AKAP19: variants seen among roughly 807,000 people sequenced by gnomAD.
AKAP19 encodes small A-kinase anchoring protein.
chr2:189,956,177 C>T, the AKAP19 span, among the ~76,000 whole-genome samples: 1,670 of 122,910 alleles, frequency 0.014, 47 homozygotes, highest in African/African-American at 0.048. Context: ...TCTTTTTTTT[C>T]TTTTTTTTTT....
At chr2:190,199,497 A>G in the AKAP19 span, among the ~76,000 whole-genome samples, 1 of 152,316 alleles carries the variant, frequency 6.6e-6, no homozygotes, top group South Asian at 2.1e-4. Context: ...CAAGATCTTG[A>G]AAAAAAGTTT....
the AKAP19 span, among the ~76,000 whole-genome samples, chr2:190,050,903 C>T: frequency 3.9e-5 from 6 of 152,124 alleles, no homozygotes; most frequent in East Asian, 3.9e-4. Flanking sequence ...CATTTGAGAA[C>T]GGGGGGATAT....
the AKAP19 span, among the ~76,000 whole-genome samples, chr2:189,940,048 G>A: frequency 2.0e-5 from 3 of 152,154 alleles, no homozygotes; most frequent in South Asian, 2.1e-4. Flanking sequence ...GGGAGGCCGA[G>A]GTGGGTGGAT....
the AKAP19 span, among the ~76,000 whole-genome samples, chr2:190,196,879 A>G: frequency 2.0e-5 from 3 of 152,180 alleles, no homozygotes; most frequent in Non-Finnish European, 2.9e-5. Context: ...GGTATAACAA[A>G]ATACCAGAGA....
the AKAP19 span, among the ~76,000 whole-genome samples, chr2:189,926,513 GC>G: frequency 3.4e-5 from 5 of 147,714 alleles, no homozygotes; most frequent in Non-Finnish European, 5.9e-5. Flanking sequence ...GTCTCGATCT[GC>G]TGACGTCGTG....
chr2:189,951,825 G>A, the AKAP19 span, among the ~76,000 whole-genome samples: 2,479 of 152,274 alleles, frequency 0.016, 70 homozygotes, highest in African/African-American at 0.056. Context: ...GAAGGCACTC[G>A]AGAAATAGCA....
chr2:190,081,408 C>A, the AKAP19 span, among the ~76,000 whole-genome samples: 11,034 of 152,222 alleles, frequency 0.072, 505 homozygotes, highest in Middle Eastern at 0.11. Context: ...TCCGCCAGAG[C>A]CCAGAGGAAC....
the AKAP19 span, among the ~76,000 whole-genome samples, chr2:189,984,347 C>T: frequency 2.6e-5 from 4 of 151,906 alleles, no homozygotes; most frequent in East Asian, 1.9e-4. Flanking sequence ...CGTTCCATGC[C>T]GAGAAAAAGA....
the AKAP19 span, among the ~76,000 whole-genome samples, chr2:190,100,133 G>A: frequency 6.6e-6 from 1 of 152,238 alleles, no homozygotes; most frequent in Admixed American, 6.5e-5. Flanking sequence ...AGTCATAAAG[G>A]GTTGGGCTGA....
chr2:190,182,711 C>T, the AKAP19 span, among the ~76,000 whole-genome samples: 1 of 152,220 alleles, frequency 6.6e-6, no homozygotes, highest in Admixed American at 6.5e-5. Flanking sequence ...CTGCCATCTT[C>T]AAATAAAATA....
the AKAP19 span, among the ~76,000 whole-genome samples, chr2:190,008,921 G>C: frequency 6.6e-6 from 1 of 152,064 alleles, no homozygotes; most frequent in African/African-American, 2.4e-5. Flanking sequence ...TTTTAAATAG[G>C]GTGGTAGGGA....
chr2:190,149,033 G>A, the AKAP19 span, among the ~76,000 whole-genome samples: 3 of 147,886 alleles, frequency 2.0e-5, no homozygotes, highest in Non-Finnish European at 4.4e-5. Context: ...GCACGATCTC[G>A]GCTCACTGCA....
the AKAP19 span, among the ~76,000 whole-genome samples, chr2:190,024,528 C>T: frequency 6.6e-6 from 1 of 151,900 alleles, no homozygotes; most frequent in African/African-American, 2.4e-5. Flanking sequence ...CAATGCTAAA[C>T]TGTGCTGAGG....
At chr2:190,035,332 G>A in the AKAP19 span, among the ~76,000 whole-genome samples, 56 of 152,116 alleles carry the variant, frequency 3.7e-4, no homozygotes, top group Non-Finnish European at 1.8e-4. Flanking sequence ...TCAGGAGGCT[G>A]AGGCAGGAGA....
At chr2:189,924,246 C>G in the AKAP19 span, 1 of 1,408,152 alleles carries the variant, frequency 7.1e-7, no homozygotes. Context: ...AATCTTATCC[C>G]ATTATTTCTT....
the AKAP19 span, among the ~76,000 whole-genome samples, chr2:189,898,037 C>T: frequency 6.6e-6 from 1 of 151,952 alleles, no homozygotes. Context: ...GTGAAAACCC[C>T]ATCTCTACAA....
chr2:190,045,283 TG>T, the AKAP19 span, among the ~76,000 whole-genome samples: 1 of 152,128 alleles, frequency 6.6e-6, no homozygotes, highest in Non-Finnish European at 1.5e-5. Flanking sequence ...CTTCTATCCC[TG>T]GTCAGCTTGG....
chr2:189,964,649 C>T, the AKAP19 span, among the ~76,000 whole-genome samples: 1 of 152,168 alleles, frequency 6.6e-6, no homozygotes, highest in African/African-American at 2.4e-5. Context: ...AGCTGCTTCA[C>T]CTTGTACTTT....
chr2:190,072,552 T>C, the AKAP19 span, among the ~76,000 whole-genome samples: 857 of 152,332 alleles, frequency 5.6e-3, 8 homozygotes, highest in Non-Finnish European at 8.2e-3. Flanking sequence ...GAATGCTATA[T>C]CCTGACAATG....
Sources: allele counts gnomAD v4.1 joint callset (sites outside exome capture counted in the v4.1 genomes callset), GRCh38; gene constraint gnomAD v4.1.1; transcripts MANE v1.5; gene names NCBI Gene and HGNC (gene_info 2026-07-23, HGNC 2026-07-21).